The following HELZ variants were observed in gnomAD, a reference collection of about 807,000 sequenced individuals.
The protein encoded by HELZ is helicase with zinc finger.
In HELZ, 23 loss-of-function variants were observed where a neutral mutation model predicts 218.2. The ratio of observed to expected loss-of-function variants is 0.11; its 90% CI spans 0.08 to 0.15. HELZ has a LOEUF of 0.15. HELZ is among the 10% of genes least tolerant of loss of function. The probability of loss-of-function intolerance (pLI) is 1.00; values close to 1 mark genes in which losing one functional copy is unlikely to be tolerated. For synonymous variants in HELZ, 814 were observed against 829.4 expected, an observed-to-expected ratio of 0.98 and a Z score of 0.32; for missense variants, 1,813 against 2,353.7, an observed-to-expected ratio of 0.77 and a Z score of 4.75.
At chr17:67,120,685 A>C (rs1345530595) in intron 26 of HELZ, 73 bp from the exon 27 acceptor site, 1 of 986,960 alleles carries the variant, frequency 1.0e-6, no homozygotes, top group Non-Finnish European at 1.6e-6. Context: ...GCTGCTGATT[A>C]GGGAAAAGCA....
At chr17:67,096,455 AAG>A (rs1015107777) in intron 31 of HELZ, among the ~76,000 whole-genome samples, 4 of 152,208 alleles carry the variant, frequency 2.6e-5, no homozygotes, top group African/African-American at 9.6e-5. Flanking sequence ...TTCTTCCAAT[AAG>A]AGGCTGTTTT....
chr17:67,176,603 G>C (rs2039464939), intron 13 of HELZ: 1 of 152,260 alleles, frequency 6.6e-6, no homozygotes, highest in Admixed American at 6.5e-5. Flanking sequence ...TGGGAGGCCA[G>C]AGCGGGTGGA....
chr17:67,217,708 T>C lies in HELZ; in HGVS notation c.210+887A>G, dbSNP rs570711189. Among the ~76,000 whole-genome samples, 10 of 152,256 alleles carry C rather than the reference T, an allele frequency of 6.6e-5. No homozygotes were observed. The South Asian group carries it at 1.9e-3, about 28-fold the overall frequency. On this transcript the variant is annotated intron_variant, in intron 4 of 32. Transcript: ENST00000358691. Reference sequence around the variant, plus strand: ...GCTTCTGCTGCTGGGTCTGTTTCCATTGCCTGCAATGCTCTTCCTCCAGTT... The same window carrying C: ...GCTTCTGCTGCTGGGTCTGTTTCCACTGCCTGCAATGCTCTTCCTCCAGTT...
At chr17:67,196,002 C>G (rs1472839071) in intron 7 of HELZ, among the ~76,000 whole-genome samples, 1 of 151,872 alleles carries the variant, frequency 6.6e-6, no homozygotes, top group Non-Finnish European at 1.5e-5. Flanking sequence ...CAGATGCCCA[C>G]CACCACGCCT....
chr17:67,221,031 A>G (rs955005074), intron 3 of HELZ, among the ~76,000 whole-genome samples: 2 of 152,134 alleles, frequency 1.3e-5, no homozygotes, highest in Non-Finnish European at 2.9e-5. Context: ...TGTGGGTGAA[A>G]TCAATTGTTC....
intron 3 of HELZ, among the ~76,000 whole-genome samples, chr17:67,232,693 A>G (rs1040182014): frequency 2.4e-4 from 36 of 152,178 alleles, no homozygotes; most frequent in African/African-American, 8.7e-4. Context: ...CTTTTGCTTC[A>G]CTATAATTGA....
At chr17:67,110,185 A>G (rs552239026) in intron 28 of HELZ, among the ~76,000 whole-genome samples, 1 of 152,170 alleles carries the variant, frequency 6.6e-6, no homozygotes, top group East Asian at 1.9e-4. Flanking sequence ...CTCCTGCCTC[A>G]GTCTCCCAAG....
At chr17:67,089,682 G>T (rs1290948288) in intron 31 of HELZ, among the ~76,000 whole-genome samples, 9 of 122,906 alleles carry the variant, frequency 7.3e-5, no homozygotes, top group African/African-American at 1.0e-4. Context: ...GAGAGAGAGA[G>T]AGAGAGAGAG....
intron 20 of HELZ, among the ~76,000 whole-genome samples, chr17:67,147,289 T>A (rs1454364053): frequency 1.3e-5 from 2 of 152,116 alleles, no homozygotes; most frequent in Non-Finnish European, 2.9e-5. Context: ...TAGATATAGA[T>A]ATAGACATAG....
At chr17:67,090,773 T>C (rs2036552531) in intron 31 of HELZ, among the ~76,000 whole-genome samples, 2 of 152,144 alleles carry the variant, frequency 1.3e-5, no homozygotes, top group African/African-American at 2.4e-5. Context: ...TTTTTGTCTT[T>C]GTCAATCTTG....
chr17:67,215,372 G>A (rs1320896085), intron 5 of HELZ, among the ~76,000 whole-genome samples: 3 of 141,498 alleles, frequency 2.1e-5, no homozygotes, highest in Admixed American at 7.3e-5. Context: ...TTTTTGAGAC[G>A]TAGTCTCACT....
At position 67,165,766 on chromosome 17, in the gene HELZ, A is replaced by G. The variant is rs115596359; in HGVS notation, c.1895+712T>C. Among the ~76,000 whole-genome samples the G allele has an allele frequency of 1.8e-3, 278 of 152,330 alleles. 1 individual carries two copies. The highest frequency in any genetic ancestry group is 6.4e-3 in the African/African-American group (267 of 41,582). ...ATATTTATACGACCATTAACTGGAG[A>G]GCAGTTTCTGAAGTAGTTTCTTCTA... On this transcript the variant is annotated intron_variant, in intron 15 of 32. Transcript: ENST00000358691.
chr17:67,142,958 A>C (rs1598309493), intron 21 of HELZ, among the ~76,000 whole-genome samples: 1 of 151,808 alleles, frequency 6.6e-6, no homozygotes, highest in Non-Finnish European at 1.5e-5. Context: ...ACGGGGTTTC[A>C]CCATGTTGCC....
At chr17:67,231,362 G>A (rs1233076797) in intron 3 of HELZ, among the ~76,000 whole-genome samples, 1 of 152,148 alleles carries the variant, frequency 6.6e-6, no homozygotes, top group African/African-American at 2.4e-5. Flanking sequence ...GGGAGGCCAA[G>A]CCAAGTGGAT....
chr17:67,116,981 C>T (rs542683128), intron 27 of HELZ, among the ~76,000 whole-genome samples: 2 of 152,212 alleles, frequency 1.3e-5, no homozygotes, highest in East Asian at 1.9e-4. Context: ...CTCAGCCTCC[C>T]GAGTAGCTGG....
chr17:67,206,457 A>C (rs938629378), intron 5 of HELZ, among the ~76,000 whole-genome samples: 1 of 152,266 alleles, frequency 6.6e-6, no homozygotes, highest in East Asian at 1.9e-4. Flanking sequence ...GGCTATCACA[A>C]GGCAAGGATT....
Position 67,105,240 on chromosome 17 carries a change from T to C in HELZ, c.5241+1929A>G, listed in dbSNP as rs540186317. On this transcript the variant is annotated intron_variant, in intron 31 of 32. Transcript: ENST00000358691. ...ATAGAGAAATTGGAATCCTCATACA[T>C]AGCTGTGGGAATATAAATGTGCAGA... 5.9e-5 allele frequency among the ~76,000 whole-genome samples: 9 copies of C among 152,308 alleles called. No homozygotes were observed. In the South Asian group the frequency reaches 1.5e-3, roughly 25 times the overall value.
intron 3 of HELZ, among the ~76,000 whole-genome samples, chr17:67,224,011 C>G (rs2040823235): frequency 6.6e-6 from 1 of 152,148 alleles, no homozygotes; most frequent in Admixed American, 6.5e-5. Flanking sequence ...TAATAAAAGC[C>G]CACGATTTCC....
intron 4 of HELZ, among the ~76,000 whole-genome samples, chr17:67,216,457 C>T (rs548441464): frequency 7.9e-5 from 12 of 152,306 alleles, no homozygotes; most frequent in South Asian, 6.2e-4. Flanking sequence ...CATTTCTATA[C>T]AGAAATACAG....
Sources: allele counts gnomAD v4.1 joint callset (sites outside exome capture counted in the v4.1 genomes callset), GRCh38; gene constraint gnomAD v4.1.1; transcripts MANE v1.5; gene names NCBI Gene and HGNC (gene_info 2026-07-23, HGNC 2026-07-21).